ACTR2: variants seen among roughly 807,000 people sequenced by gnomAD.
The protein encoded by ACTR2 is actin related protein 2, also known as actin-related protein 2.
In ACTR2, 5 loss-of-function variants were observed where a neutral mutation model predicts 50.2. The ratio of observed to expected loss-of-function variants is 0.10; its 90% CI spans 0.05 to 0.21. The LOEUF (loss-of-function observed/expected upper bound fraction) is 0.21, where lower values mean the gene tolerates loss of function less well. Ranked by LOEUF, ACTR2 falls within the 10% of genes least tolerant of loss-of-function variation. The pLI, the probability that ACTR2 is intolerant of heterozygous loss-of-function variation, is 1.00. For synonymous variants in ACTR2, 140 were observed against 162.9 expected (o/e 0.86, Z 1.07); for missense variants, 180 against 480.6 (o/e 0.37, Z 5.85).
At chr2:65,228,243 C>G in intron 1 of ACTR2, 1 of 358,200 alleles carries the variant, frequency 2.8e-6, no homozygotes, top group Non-Finnish European at 5.0e-6. Flanking sequence ...GGGACCTGCT[C>G]CGCGCTAATG....
chr2:65,257,299 A>G lies in ACTR2; in HGVS notation c.735+1605A>G, dbSNP rs186628042. Among the ~76,000 whole-genome samples the G allele has an allele frequency of 2.4e-4, 37 of 152,242 alleles. No individual in the cohort carries two copies. In the East Asian group the frequency reaches 5.2e-3, roughly 21 times the overall value. On this transcript the variant is annotated intron_variant, in intron 6 of 8. Transcript: ENST00000260641. The stretch of plus-strand genomic sequence containing the variant: ...AACTCATTCATTTTTTTATGGCTGC[A>G]TAGTATTCCATGGTGTATATGTGCC...
At chr2:65,234,231 A>G (rs903723473) in intron 1 of ACTR2, among the ~76,000 whole-genome samples, 1 of 152,116 alleles carries the variant, frequency 6.6e-6, no homozygotes, top group Non-Finnish European at 1.5e-5. Context: ...AGTTCTTGTT[A>G]TTATAACTGT....
intron 6 of ACTR2, among the ~76,000 whole-genome samples, chr2:65,256,293 G>A (rs2104010748): frequency 6.6e-6 from 1 of 152,262 alleles, no homozygotes; most frequent in African/African-American, 2.4e-5. Context: ...CTTTAATGAG[G>A]TGTTAAATGT....
chr2:65,236,463 TTA>T (rs1270782237), intron 1 of ACTR2, among the ~76,000 whole-genome samples: 1 of 152,130 alleles, frequency 6.6e-6, no homozygotes, highest in Non-Finnish European at 1.5e-5. Flanking sequence ...TACCAAATTT[TTA>T]TGTTTTGGAG....
At chr2:65,254,956 A>G (rs1672120152) in intron 5 of ACTR2, among the ~76,000 whole-genome samples, 2 of 152,158 alleles carry the variant, frequency 1.3e-5, no homozygotes, top group African/African-American at 4.8e-5. Context: ...TTTTATTTGT[A>G]AAGTCTAGTA....
chr2:65,268,113 A>AAG (rs750463045), intron 8 of ACTR2, among the ~76,000 whole-genome samples: 2 of 151,964 alleles, frequency 1.3e-5, no homozygotes, highest in Non-Finnish European at 2.9e-5. Context: ...CTGGGATTAC[A>AAG]CTTGAGCCAC....
In ACTR2 at chr2:65,265,028, A is replaced by G. The variant is rs1254693967; in HGVS notation, c.882-15A>G. 2 of 1,614,038 alleles carry G rather than the reference A, an allele frequency of 1.2e-6. No homozygotes were observed. The highest frequency in any genetic ancestry group is 2.2e-5 in the East Asian group (1 of 44,876). ...AACCTAAAACTCCAAATGAATAACC[A>G]TTGTGCCTTTCTAGATCTGAATTCT... On this transcript the variant is annotated splice_polypyrimidine_tract_variant and intron_variant, in intron 7 of 8. Transcript: ENST00000260641.
chr2:65,253,585 A>G, intron 4 of ACTR2, 143 bp from the exon 5 acceptor site: 1 of 820,552 alleles, frequency 1.2e-6, no homozygotes, highest in South Asian at 1.7e-5. Flanking sequence ...TGCATTAGAA[A>G]CAAACTGCAA....
chr2:65,243,680 G>T (rs1427714658), intron 2 of ACTR2, among the ~76,000 whole-genome samples: 1 of 152,126 alleles, frequency 6.6e-6, no homozygotes, highest in Non-Finnish European at 1.5e-5. Context: ...TTTTCTTCTA[G>T]GGATTTAATT....
intron 3 of ACTR2, among the ~76,000 whole-genome samples, chr2:65,247,442 G>A (rs1433913949): frequency 2.0e-5 from 3 of 152,056 alleles, no homozygotes; most frequent in Admixed American, 1.3e-4. Flanking sequence ...CAAAAAATTA[G>A]CCGGGCGTGG....
intron 6 of ACTR2, 41 bp downstream of exon 6, chr2:65,255,735 G>A (rs780956713): frequency 2.0e-6 from 3 of 1,532,694 alleles, no homozygotes; most frequent in East Asian, 2.3e-5. Context: ...GTTTTAAAGT[G>A]GACAGCCATG....
At chr2:65,250,422 C>A (rs1479558370) in intron 3 of ACTR2, among the ~76,000 whole-genome samples, 1 of 151,496 alleles carries the variant, frequency 6.6e-6, no homozygotes, top group Admixed American at 6.6e-5. Context: ...CACCTGTAAT[C>A]CCAGCACTTT....
intron 3 of ACTR2, among the ~76,000 whole-genome samples, chr2:65,246,952 C>T (rs1390729302): frequency 6.6e-6 from 1 of 151,858 alleles, no homozygotes; most frequent in Non-Finnish European, 1.5e-5. Context: ...TGTATATATT[C>T]TAACAGGGAA....
chr2:65,258,081 TA>T (rs1171503214), intron 6 of ACTR2, among the ~76,000 whole-genome samples: 1 of 152,346 alleles, frequency 6.6e-6, no homozygotes, highest in African/African-American at 2.4e-5. Flanking sequence ...TTTTGTAACT[TA>T]ATCATCTCCA....
At chr2:65,255,522 T>C in intron 5 of ACTR2, 23 bp from the exon 6 acceptor site, 1 of 1,605,668 alleles carries the variant, frequency 6.2e-7, no homozygotes, top group East Asian at 2.2e-5. Context: ...TATTATGAAC[T>C]TATTGCTATT....
intron 3 of ACTR2, among the ~76,000 whole-genome samples, chr2:65,247,686 C>T (rs756254690): frequency 1.4e-4 from 22 of 151,806 alleles, no homozygotes; most frequent in Non-Finnish European, 2.8e-4. Context: ...TTCACACCGA[C>T]GAAGAAGAGG....
chr2:65,261,209 C>G (rs1217111982), intron 6 of ACTR2, 38 bp from the exon 7 acceptor site: 1 of 1,611,080 alleles, frequency 6.2e-7, no homozygotes, highest in South Asian at 1.1e-5. Context: ...AAATTTTAAT[C>G]TTTTGCTGAT....
At chr2:65,229,091 A>C (rs138490383) in intron 1 of ACTR2, among the ~76,000 whole-genome samples, 1 of 152,198 alleles carries the variant, frequency 6.6e-6, no homozygotes, top group Non-Finnish European at 1.5e-5. Flanking sequence ...AATTATAAAA[A>C]AAAAAAATTG....
intron 1 of ACTR2, among the ~76,000 whole-genome samples, chr2:65,232,165 C>A (rs1373947324): frequency 2.6e-5 from 4 of 152,142 alleles, no homozygotes; most frequent in African/African-American, 9.7e-5. Flanking sequence ...CTGTGAAACT[C>A]TAGGTTTAGG....
Sources: allele counts gnomAD v4.1 joint callset (sites outside exome capture counted in the v4.1 genomes callset), GRCh38; gene constraint gnomAD v4.1.1; transcripts MANE v1.5; gene names NCBI Gene and HGNC (gene_info 2026-07-23, HGNC 2026-07-21).